MCTP2: variants seen among roughly 807,000 people sequenced by gnomAD.
MCTP2 encodes the protein multiple C2 and transmembrane domain-containing protein 2.
In MCTP2, 132 loss-of-function variants were observed where a neutral mutation model predicts 111.6. That is an observed-to-expected ratio of 1.18 (90% CI 1.03 to 1.37). The LOEUF (loss-of-function observed/expected upper bound fraction) is 1.37. Ranked by LOEUF, MCTP2 falls within the 40% of genes most tolerant of loss-of-function variation. The probability of loss-of-function intolerance (pLI) is 0.00; values close to 1 mark genes in which losing one functional copy is unlikely to be tolerated. For missense variants in MCTP2, 1,183 were observed against 1,067.9 expected, an observed-to-expected ratio of 1.11 and a Z score of -1.50; for synonymous variants, 395 against 387.7, an observed-to-expected ratio of 1.02 and a Z score of -0.22.
rs1468403402 is a variant in MCTP2 at position 94,458,231 on chromosome 15, G to A, written c.2345G>A (p.Gly782Glu). ...QNVLEEIASF[G>E]ERIKNTFNWT... is the part of the protein sequence containing the mutation. The stretch of plus-strand genomic sequence containing the variant: ...GTCTTGGAGGAAATAGCTTCTTTTG[G>A]AGAAAGGATTAAGAAGTAAGTTCTA... Residue 782 changes from glycine (G) to glutamate (E), a missense_variant, in exon 20 of 23, where the codon GGA becomes GAA. Physicochemically the swap from Gly to Glu is moderately conservative, Grantham distance 98. Coordinates refer to ENST00000357742, the MANE Select transcript of MCTP2 (RefSeq NM_001385001.1). The A allele has an allele frequency of 2.5e-6, 4 of 1,601,048 alleles. No individual in the cohort carries two copies. The Admixed American group carries it at 5.0e-5, about 20-fold the overall frequency.
rs199556945 is a variant in MCTP2, at chr15:94,318,272, A to ATT, written c.637+2663_637+2664dup. ...TTTATGGAATTTCTTCAAAAAAAAA[A>ATT]TTTTTTTTTTTTTTTTTTTTTTTTT... On this transcript the variant is annotated intron_variant, in intron 4 of 22. Coordinates refer to ENST00000357742, the MANE Select transcript of MCTP2 (RefSeq NM_001385001.1). 3.2e-3 allele frequency among the ~76,000 whole-genome samples: 463 copies of ATT among 142,940 alleles called. 3 individuals carry two copies. The highest frequency in any genetic ancestry group is 5.3e-3 in the Non-Finnish European group (346 of 65,328). The allele number at this position is 142,940 out of a possible 152,430, so 93.8% of individuals were successfully genotyped here.
At chr15:94,305,483 G>A (rs567905755) in intron 2 of MCTP2, among the ~76,000 whole-genome samples, 65 of 151,894 alleles carry the variant, frequency 4.3e-4, no homozygotes, top group African/African-American at 1.4e-3. Flanking sequence ...ACACACATGC[G>A]GATATATATA....
intron 1 of MCTP2, among the ~76,000 whole-genome samples, chr15:94,271,643 T>C (rs2073911822): frequency 6.6e-6 from 1 of 152,164 alleles, no homozygotes; most frequent in Middle Eastern, 3.2e-3. Flanking sequence ...AGATAAATGG[T>C]ATAATATACT....
chr15:94,374,260 G>C (rs16949043), intron 12 of MCTP2, among the ~76,000 whole-genome samples: 6,971 of 152,250 alleles, frequency 0.046, 529 homozygotes, highest in African/African-American at 0.16. Context: ...AAAATTGTTA[G>C]AGAATTGAAA....
intron 19 of MCTP2, among the ~76,000 whole-genome samples, chr15:94,457,262 A>G (rs1171061649): frequency 6.6e-6 from 1 of 152,192 alleles, no homozygotes; most frequent in African/African-American, 2.4e-5. Context: ...GCATCAGAAT[A>G]TTAAAAATAG....
At chr15:94,361,495 C>T (rs758853146) in intron 10 of MCTP2, among the ~76,000 whole-genome samples, 2 of 152,252 alleles carry the variant, frequency 1.3e-5, no homozygotes, top group South Asian at 2.1e-4. Context: ...TGGGCTCACT[C>T]GCCAACTGGC....
intron 19 of MCTP2, among the ~76,000 whole-genome samples, chr15:94,455,280 T>A (rs1215235169): frequency 6.6e-6 from 1 of 152,250 alleles, no homozygotes; most frequent in Non-Finnish European, 1.5e-5. Flanking sequence ...ACAGGAAAAG[T>A]TCCTGTGAAT....
intron 14 of MCTP2, among the ~76,000 whole-genome samples, chr15:94,386,718 A>C (rs867111869): frequency 7.2e-5 from 11 of 152,226 alleles, no homozygotes; most frequent in African/African-American, 2.6e-4. Flanking sequence ...CACTTTAGAG[A>C]GGTCTGGGGG....
chr15:94,342,330 T>G (rs1184539858), intron 7 of MCTP2: 1 of 152,172 alleles, frequency 6.6e-6, no homozygotes, highest in Non-Finnish European at 1.5e-5. Context: ...GCAGAACAGT[T>G]AATACTAGAC....
chr15:94,296,167 A>C (rs1007051829), intron 1 of MCTP2, among the ~76,000 whole-genome samples: 70 of 152,130 alleles, frequency 4.6e-4, no homozygotes, highest in African/African-American at 1.6e-3. Flanking sequence ...ACTCTCCTTC[A>C]TTAAATGCTA....
intron 1 of MCTP2, among the ~76,000 whole-genome samples, chr15:94,283,089 C>T (rs1424550756): frequency 1.3e-5 from 2 of 151,988 alleles, no homozygotes; most frequent in African/African-American, 4.8e-5. Context: ...GGGTGCACAC[C>T]GGCAGAGGTC....
chr15:94,398,616 T>C (rs1158259929), intron 14 of MCTP2, among the ~76,000 whole-genome samples: 2 of 152,206 alleles, frequency 1.3e-5, no homozygotes, highest in East Asian at 3.8e-4. Context: ...GTCTTTCCTT[T>C]TTCCCGTGAC....
At chr15:94,309,327 T>C (rs10520745) in intron 2 of MCTP2, among the ~76,000 whole-genome samples, 39,808 of 152,130 alleles carry the variant, frequency 0.26, 7,581 homozygotes, top group African/African-American at 0.52. Context: ...AAGATACGGG[T>C]TATAGATTAA....
At chr15:94,381,893 G>C (rs1340509523) in intron 12 of MCTP2, among the ~76,000 whole-genome samples, 1 of 152,198 alleles carries the variant, frequency 6.6e-6, no homozygotes, top group East Asian at 1.9e-4. Flanking sequence ...AAGACTTTTT[G>C]TGGGTGCAGA....
intron 12 of MCTP2, among the ~76,000 whole-genome samples, chr15:94,375,185 A>G (rs1021065968): frequency 6.6e-6 from 1 of 152,132 alleles, no homozygotes; most frequent in Non-Finnish European, 1.5e-5. Context: ...GGGATGCTAC[A>G]CACTTTTAAA....
chr15:94,476,593 A>C, intron 21 of MCTP2, 103 bp from the exon 22 acceptor site: 1 of 730,408 alleles, frequency 1.4e-6, no homozygotes, highest in Non-Finnish European at 2.3e-6. Flanking sequence ...AGATAGATAG[A>C]TGATTGACTG....
Position 94,464,239 on chromosome 15 carries a change from AATATATATATATATATATT to A in MCTP2, c.2360+6012_2360+6030del, listed in dbSNP as rs1223113940. 1.1e-4 allele frequency among the ~76,000 whole-genome samples: 10 copies of A among 89,340 alleles called. 1 individual carries two copies. The highest frequency in any genetic ancestry group is 4.2e-4 in the African/African-American group (9 of 21,258). The allele number at this position is 89,340 out of a possible 152,430, so 58.6% of individuals were successfully genotyped here. ...TGAAATATTATATGTTTATATATAT[AATATATATATATATATATT>A]ATATATATATATATATATATAAACG... On this transcript the variant is annotated intron_variant, in intron 20 of 22. Transcript: ENST00000357742.
chr15:94,282,720 T>C (rs1044122202), intron 1 of MCTP2, among the ~76,000 whole-genome samples: 4 of 152,236 alleles, frequency 2.6e-5, no homozygotes, highest in Admixed American at 2.0e-4. Context: ...GCTTTTTGCT[T>C]TTATACTCTT....
intron 1 of MCTP2, among the ~76,000 whole-genome samples, chr15:94,265,863 A>G (rs375381918): frequency 2.0e-5 from 3 of 152,210 alleles, no homozygotes; most frequent in African/African-American, 7.2e-5. Context: ...AGCAGAAGCA[A>G]TGTAATTAAA....
Sources: gnomAD v4.1 joint callset for allele counts (sites outside exome capture counted in the v4.1 genomes callset) on GRCh38, gnomAD v4.1.1 for gene constraint, MANE v1.5 for transcripts, NCBI Gene and HGNC (gene_info 2026-07-23, HGNC 2026-07-21) for gene names.